MPZL1: variants seen among roughly 807,000 people sequenced by gnomAD.
MPZL1 encodes the protein myelin protein zero like 1, also known as myelin protein zero-like protein 1.
In MPZL1, 16 loss-of-function variants were observed where a neutral mutation model predicts 29.3. The ratio of observed to expected loss-of-function variants is 0.55; its 90% CI spans 0.37 to 0.83. The LOEUF is 0.83. Among genes scored for constraint, MPZL1 ranks in the 40% least tolerant of loss-of-function variants. The pLI is 0.00. For synonymous variants in MPZL1, 143 were observed against 132.0 expected, an observed-to-expected ratio of 1.08 and a Z score of -0.57; for missense variants, 279 against 332.9, an observed-to-expected ratio of 0.84 and a Z score of 1.26.
At chr1:167,760,510 A>G (rs1430017539) in intron 1 of MPZL1, among the ~76,000 whole-genome samples, 1 of 151,972 alleles carries the variant, frequency 6.6e-6, no homozygotes, top group Non-Finnish European at 1.5e-5. Flanking sequence ...GCCCCTCTAG[A>G]TAGGTTTCTA....
chr1:167,755,197 T>C (rs912827993), intron 1 of MPZL1, among the ~76,000 whole-genome samples: 17 of 152,222 alleles, frequency 1.1e-4, no homozygotes, highest in African/African-American at 3.9e-4. Flanking sequence ...TAAAAATTTT[T>C]TGCTGTATTT....
rs1436164526 is a variant in MPZL1, at chr1:167,739,050, TC to T, written c.91+16811del. ...CTCCACCTCCAGGTTCAAGCGATTC[TC>T]CCACCTCAGTCTCGCGAGTAGCTGG... On this transcript the variant is annotated intron_variant, in intron 1 of 5. Transcript: ENST00000359523. Among the ~76,000 whole-genome samples, 27 of 151,838 alleles carry T rather than the reference TC, an allele frequency of 1.8e-4. 1 individual carries two copies. Among genetic ancestry groups the T allele is most frequent in the Admixed American group, 1.3e-3 (20 of 15,254 alleles).
At chr1:167,769,142 G>A (rs1470467960) in intron 2 of MPZL1, among the ~76,000 whole-genome samples, 6 of 152,176 alleles carry the variant, frequency 3.9e-5, no homozygotes, top group African/African-American at 1.4e-4. Flanking sequence ...TCAGGTAGGC[G>A]AATCTCACCT....
chr1:167,745,737 A>G (rs1274157227), intron 1 of MPZL1, among the ~76,000 whole-genome samples: 3 of 152,096 alleles, frequency 2.0e-5, no homozygotes, highest in Non-Finnish European at 4.4e-5. Flanking sequence ...AACAAGAGAT[A>G]GAAGAACCAA....
chr1:167,739,290 T>TATATATATATATAC (rs1660460212), intron 1 of MPZL1, among the ~76,000 whole-genome samples: 2 of 92,750 alleles, frequency 2.2e-5, no homozygotes, highest in African/African-American at 1.1e-4. Flanking sequence ...TACATATATA[T>TATATATATATATAC]ATATATATAT....
At chr1:167,743,353 G>A (rs1660574433) in intron 1 of MPZL1, among the ~76,000 whole-genome samples, 1 of 151,898 alleles carries the variant, frequency 6.6e-6, no homozygotes, top group African/African-American at 2.4e-5. Context: ...TGGGACTACA[G>A]GCGCACATCA....
chr1:167,778,561 G>A (rs1661420085), intron 5 of MPZL1, among the ~76,000 whole-genome samples: 1 of 151,524 alleles, frequency 6.6e-6, no homozygotes, highest in Admixed American at 6.6e-5. Flanking sequence ...TGGATGGATG[G>A]ATGGATAGAT....
chr1:167,736,273 C>T (rs1660375715), intron 1 of MPZL1, among the ~76,000 whole-genome samples: 2 of 152,158 alleles, frequency 1.3e-5, no homozygotes, highest in African/African-American at 2.4e-5. Flanking sequence ...TTGGTAATTT[C>T]GTCCATTTTT....
chr1:167,727,430 A>G (rs1161339659), intron 1 of MPZL1, among the ~76,000 whole-genome samples: 1 of 152,180 alleles, frequency 6.6e-6, no homozygotes, highest in Non-Finnish European at 1.5e-5. Flanking sequence ...AAGATTTTTA[A>G]TCTTGCTCTC....
At chr1:167,749,689 T>A (rs532375282) in intron 1 of MPZL1, among the ~76,000 whole-genome samples, 1 of 152,368 alleles carries the variant, frequency 6.6e-6, no homozygotes, top group East Asian at 1.9e-4. Context: ...ATTGTTTAAA[T>A]TCTGTTTCTG....
At chr1:167,761,890 G>GA (rs1387559132) in intron 1 of MPZL1, among the ~76,000 whole-genome samples, 2 of 152,192 alleles carry the variant, frequency 1.3e-5, no homozygotes, top group Admixed American at 1.3e-4. Context: ...GCAAGGGGGT[G>GA]AGTATAATGG....
chr1:167,751,075 G>A (rs1359175224), intron 1 of MPZL1, among the ~76,000 whole-genome samples: 1 of 152,172 alleles, frequency 6.6e-6, no homozygotes, highest in Non-Finnish European at 1.5e-5. Flanking sequence ...CACTGCTGGT[G>A]ATGTTGACTT....
At chr1:167,726,370 CTT>C in intron 1 of MPZL1, among the ~76,000 whole-genome samples, 2 of 152,174 alleles carry the variant, frequency 1.3e-5, no homozygotes, top group Middle Eastern at 3.4e-3. Flanking sequence ...TTTTTCTTCT[CTT>C]TTTTTTCCTC....
intron 2 of MPZL1, among the ~76,000 whole-genome samples, chr1:167,766,274 T>C (rs530879096): frequency 6.6e-6 from 1 of 152,330 alleles, no homozygotes; most frequent in African/African-American, 2.4e-5. Flanking sequence ...GATATATAGA[T>C]GACTTTGGAG....
chr1:167,737,065 G>A (rs1438455605), intron 1 of MPZL1, among the ~76,000 whole-genome samples: 2 of 152,154 alleles, frequency 1.3e-5, no homozygotes, highest in African/African-American at 4.8e-5. Context: ...CATCTCAGAT[G>A]TAATCTCAAG....
At chr1:167,722,613 C>T (rs1660058445) in intron 1 of MPZL1, among the ~76,000 whole-genome samples, 1 of 152,206 alleles carries the variant, frequency 6.6e-6, no homozygotes, top group Non-Finnish European at 1.5e-5. Flanking sequence ...CTAGGCCCTC[C>T]CGGATTCTGA....
At chr1:167,740,554 T>A (rs1287661707) in intron 1 of MPZL1, among the ~76,000 whole-genome samples, 1 of 152,178 alleles carries the variant, frequency 6.6e-6, no homozygotes, top group East Asian at 1.9e-4. Flanking sequence ...TCAGGGTCTT[T>A]TCTCCCTCCC....
intron 1 of MPZL1, among the ~76,000 whole-genome samples, chr1:167,757,464 C>G (rs910203666): frequency 6.6e-6 from 1 of 152,134 alleles, no homozygotes; most frequent in African/African-American, 2.4e-5. Context: ...ACAGTTTACA[C>G]TATCAGTATT....
intron 1 of MPZL1, among the ~76,000 whole-genome samples, chr1:167,757,534 T>C (rs923046674): frequency 6.6e-6 from 1 of 152,212 alleles, no homozygotes; most frequent in Non-Finnish European, 1.5e-5. Context: ...CAATAGTGTG[T>C]ACCTTTCACA....
Sources: allele counts gnomAD v4.1 joint callset (sites outside exome capture counted in the v4.1 genomes callset), GRCh38; gene constraint gnomAD v4.1.1; transcripts MANE v1.5; gene names NCBI Gene and HGNC (gene_info 2026-07-23, HGNC 2026-07-21).